CDH8: variants seen among roughly 807,000 people sequenced by gnomAD.
CDH8 encodes the protein cadherin 8.
In CDH8, 17 loss-of-function variants were observed where a neutral mutation model predicts 68.1. The ratio of observed to expected loss-of-function variants is 0.25; its 90% CI spans 0.17 to 0.37. The LOEUF is 0.37. Ranked by LOEUF, CDH8 falls within the 10% of genes least tolerant of loss-of-function variation. CDH8 has a pLI of 1.00. For synonymous variants in CDH8, 372 were observed against 365.1 expected (o/e 1.02, Z -0.21); for missense variants, 763 against 999.3 (o/e 0.76, Z 3.19).
chr16:61,664,333 A>T (rs1284437270), intron 10 of CDH8, among the ~76,000 whole-genome samples: 3 of 152,068 alleles, frequency 2.0e-5, no homozygotes, highest in Non-Finnish European at 4.4e-5. Context: ...CGGAGATAAG[A>T]CAGACATTAG....
intron 8 of CDH8, among the ~76,000 whole-genome samples, chr16:61,754,568 A>C (rs1175597462): frequency 6.6e-6 from 1 of 152,028 alleles, no homozygotes; most frequent in African/African-American, 2.4e-5. Flanking sequence ...ATTTTGACGC[A>C]TGTATAGAAT....
intron 6 of CDH8, among the ~76,000 whole-genome samples, chr16:61,818,613 G>A (rs1468661574): frequency 6.6e-6 from 1 of 152,070 alleles, no homozygotes; most frequent in Non-Finnish European, 1.5e-5. Flanking sequence ...GTAAAGCTAG[G>A]TAAAAAGAAT....
At chr16:61,735,592 A>T (rs1959656343) in intron 8 of CDH8, among the ~76,000 whole-genome samples, 1 of 152,134 alleles carries the variant, frequency 6.6e-6, no homozygotes, top group African/African-American at 2.4e-5. Context: ...CAAGTAATCC[A>T]TAGTATTTTA....
chr16:61,946,358 G>A (rs1194997289), intron 2 of CDH8, among the ~76,000 whole-genome samples: 1 of 152,140 alleles, frequency 6.6e-6, no homozygotes, highest in African/African-American at 2.4e-5. Flanking sequence ...ATGTCTTCAA[G>A]AAACAGTGGA....
At chr16:62,000,390 A>G (rs1459256176) in intron 2 of CDH8, among the ~76,000 whole-genome samples, 1 of 152,150 alleles carries the variant, frequency 6.6e-6, no homozygotes, top group Non-Finnish European at 1.5e-5. Flanking sequence ...GTCTTCCATA[A>G]TGGTTGAACT....
intron 2 of CDH8, among the ~76,000 whole-genome samples, chr16:61,980,772 G>T (rs555785662): frequency 6.6e-6 from 1 of 152,230 alleles, no homozygotes; most frequent in South Asian, 2.1e-4. Flanking sequence ...TCCTGGCTTA[G>T]AATATGACCT....
At chr16:61,981,302 T>C (rs1372108930) in intron 2 of CDH8, among the ~76,000 whole-genome samples, 6 of 152,190 alleles carry the variant, frequency 3.9e-5, no homozygotes, top group African/African-American at 9.7e-5. Flanking sequence ...ATCCACAATA[T>C]TGCCTTTATT....
chr16:62,002,156 A>C (rs1965903752), intron 2 of CDH8, among the ~76,000 whole-genome samples: 1 of 152,208 alleles, frequency 6.6e-6, no homozygotes, highest in Non-Finnish European at 1.5e-5. Context: ...ATTTGTCAAC[A>C]CTTCAGAAAA....
chr16:61,746,480 T>C (rs1960024196), intron 8 of CDH8, among the ~76,000 whole-genome samples: 1 of 151,852 alleles, frequency 6.6e-6, no homozygotes, highest in Non-Finnish European at 1.5e-5. Context: ...CCTAACTTTA[T>C]GGTTGTTCTC....
At chr16:61,658,115 G>A (rs762199725) in intron 10 of CDH8, among the ~76,000 whole-genome samples, 1 of 151,736 alleles carries the variant, frequency 6.6e-6, no homozygotes, top group Non-Finnish European at 1.5e-5. Context: ...TTTTTGGATT[G>A]GTAATTGTAT....
At position 61,919,341 on chromosome 16, in the gene CDH8, A is replaced by G. The variant is rs552526388; in HGVS notation, c.253-17868T>C. 1.1e-4 allele frequency among the ~76,000 whole-genome samples: 16 copies of G among 148,424 alleles called. 1 individual carries two copies. The highest frequency in any genetic ancestry group is 1.8e-4 in the Non-Finnish European group (12 of 67,528). On this transcript the variant is annotated intron_variant, in intron 2 of 11. Transcript: ENST00000577390. ...AATGACTTTGACAAGCTGAGAGAAG[A>G]AGGCTTCAGACGATCAAATTACTCC... is the stretch of plus-strand genomic sequence containing the variant.
chr16:61,903,781 C>T (rs1038084682), intron 2 of CDH8, among the ~76,000 whole-genome samples: 35 of 152,220 alleles, frequency 2.3e-4, no homozygotes, highest in Admixed American at 9.2e-4. Context: ...ATCCAGCTAT[C>T]CGAAAATTAT....
intron 10 of CDH8, among the ~76,000 whole-genome samples, chr16:61,700,531 G>A (rs193046212): frequency 9.9e-5 from 15 of 152,048 alleles, no homozygotes; most frequent in South Asian, 2.1e-4. Flanking sequence ...CCCCCACCTC[G>A]GCCTACCAAA....
At position 61,647,597 on chromosome 16, in the gene CDH8, C is replaced by T; in HGVS notation, c.*6011G>A. The T allele has an allele frequency of 3.7e-6, 2 of 542,014 alleles. No individual in the cohort carries two copies. The allele number at this position is 542,014 out of a possible 1,614,324, so 33.6% of individuals were successfully genotyped here. A position where few individuals can be genotyped will look rare whatever the true frequency, so the allele number is the denominator to read the frequency against. ...GTTCTTTGCATGTACAGAAGAAATCCCAAGAAATTAACATTTGGCTTTGGG... is the reference window on the plus strand; with the variant it reads ...GTTCTTTGCATGTACAGAAGAAATCTCAAGAAATTAACATTTGGCTTTGGG... On this transcript the variant is annotated 3_prime_UTR_variant, in exon 12 of 12. Transcript: ENST00000577390.
At chr16:61,736,111 GA>G (rs1959672906) in intron 8 of CDH8, among the ~76,000 whole-genome samples, 2 of 127,738 alleles carry the variant, frequency 1.6e-5, no homozygotes, top group African/African-American at 2.8e-5. Context: ...AAGAAAGAAA[GA>G]AAGGAAGGAA....
At chr16:62,023,051 T>G (rs1902111787) in intron 1 of CDH8, among the ~76,000 whole-genome samples, 2 of 152,282 alleles carry the variant, frequency 1.3e-5, no homozygotes, top group South Asian at 4.1e-4. Context: ...TCTCCTCCTT[T>G]CCCTGGAATT....
intron 8 of CDH8, among the ~76,000 whole-genome samples, chr16:61,765,430 C>T (rs999233584): frequency 1.3e-5 from 2 of 151,926 alleles, no homozygotes; most frequent in African/African-American, 2.4e-5. Flanking sequence ...TGAAATTCAT[C>T]AAAATTAGTT....
intron 10 of CDH8, chr16:61,667,735 GA>G (rs1225451908): frequency 6.6e-6 from 1 of 151,898 alleles, no homozygotes; most frequent in Non-Finnish European, 1.5e-5. Context: ...GGCATCCCTA[GA>G]AAATAAATGC....
intron 2 of CDH8, among the ~76,000 whole-genome samples, chr16:61,910,222 T>A (rs898319265): frequency 6.6e-6 from 1 of 152,074 alleles, no homozygotes; most frequent in Non-Finnish European, 1.5e-5. Flanking sequence ...TATGCCCATT[T>A]AATTTTTTTA....
Sources: gnomAD v4.1 joint callset for allele counts (sites outside exome capture counted in the v4.1 genomes callset) on GRCh38, gnomAD v4.1.1 for gene constraint, MANE v1.5 for transcripts, NCBI Gene and HGNC (gene_info 2026-07-23, HGNC 2026-07-21) for gene names.